STARD13: variants seen among roughly 807,000 people sequenced by gnomAD.
The protein encoded by STARD13 is stAR-related lipid transfer protein 13.
A neutral mutation model predicts 106.4 loss-of-function variants in STARD13; 62 were observed. The observed-to-expected ratio is 0.58, with a 90% CI of 0.48 to 0.72. The LOEUF (loss-of-function observed/expected upper bound fraction) is 0.72. Ranked by LOEUF, STARD13 falls within the 30% of genes least tolerant of loss-of-function variation. STARD13 has a pLI of 0.00. For missense variants in STARD13, 1,387 were observed against 1,424.0 expected, an observed-to-expected ratio of 0.97 and a Z score of 0.42; for synonymous variants, 565 against 553.0, an observed-to-expected ratio of 1.02 and a Z score of -0.31.
chr13:33,180,677 G>A (rs1885145540), intron 1 of STARD13, among the ~76,000 whole-genome samples: 1 of 152,202 alleles, frequency 6.6e-6, no homozygotes, highest in Non-Finnish European at 1.5e-5. Flanking sequence ...TGAGAAACAT[G>A]CTAGGTGTAT....
rs189318166 is a variant in STARD13 at position 33,121,087 on chromosome 13, G to A, written c.2083-2824C>T. 1.8e-3 allele frequency among the ~76,000 whole-genome samples: 271 copies of A among 152,230 alleles called. 1 individual carries two copies. Among genetic ancestry groups the A allele is most frequent in the Non-Finnish European group, 2.4e-3 (166 of 68,014 alleles). On this transcript the variant is annotated intron_variant, in intron 7 of 13. Transcript: ENST00000336934. ...TGTTTTGTGAGACCATGAATTTCCTGTCATTTAAGCCATTTTGGGATGGGG... is the reference window on the plus strand; with the variant it reads ...TGTTTTGTGAGACCATGAATTTCCTATCATTTAAGCCATTTTGGGATGGGG...
At chr13:33,238,390 T>G (rs1002837396) in intron 1 of STARD13, among the ~76,000 whole-genome samples, 5 of 152,044 alleles carry the variant, frequency 3.3e-5, no homozygotes, top group African/African-American at 1.2e-4. Flanking sequence ...TGGGGTCAAA[T>G]AAGGTGAAAG....
chr13:33,403,608 A>T, the STARD13 span, among the ~76,000 whole-genome samples: 35 of 152,320 alleles, frequency 2.3e-4, no homozygotes, highest in South Asian at 7.3e-3. Flanking sequence ...TTTGTAATAA[A>T]TTTTGTCATT....
the STARD13 span, among the ~76,000 whole-genome samples, chr13:33,493,113 T>G: frequency 6.6e-6 from 1 of 152,168 alleles, no homozygotes; most frequent in South Asian, 2.1e-4. Flanking sequence ...TCCAAGCAGG[T>G]TAAATTTTCC....
At chr13:33,331,004 TC>T (rs1488237002) in intron 1 of STARD13, among the ~76,000 whole-genome samples, 1 of 152,220 alleles carries the variant, frequency 6.6e-6, no homozygotes, top group East Asian at 1.9e-4. Context: ...CTTGTGATGC[TC>T]ATGAGAGAGA....
upstream of STARD13, among the ~76,000 whole-genome samples, chr13:33,286,492 T>A (rs1185600105): frequency 6.6e-6 from 1 of 152,166 alleles, no homozygotes; most frequent in Non-Finnish European, 1.5e-5. Flanking sequence ...ACTGAATCAT[T>A]TAAGACAAGA....
intron 1 of STARD13, among the ~76,000 whole-genome samples, chr13:33,186,262 G>A (rs754720436): frequency 6.6e-6 from 1 of 152,150 alleles, no homozygotes; most frequent in Non-Finnish European, 1.5e-5. Flanking sequence ...GGAATAGAAA[G>A]AACCACACAC....
chr13:33,179,968 C>T (rs750744381), intron 1 of STARD13, among the ~76,000 whole-genome samples: 1 of 152,230 alleles, frequency 6.6e-6, no homozygotes, highest in South Asian at 2.1e-4. Context: ...ATGCTCCTCC[C>T]TCTGTGCCTG....
chr13:33,397,670 A>G, the STARD13 span, among the ~76,000 whole-genome samples: 1 of 152,194 alleles, frequency 6.6e-6, no homozygotes, highest in Non-Finnish European at 1.5e-5. Flanking sequence ...GGGACAAATA[A>G]TGGGTTTTGA....
intron 1 of STARD13, among the ~76,000 whole-genome samples, chr13:33,175,564 G>C (rs1262003156): frequency 6.6e-6 from 1 of 152,166 alleles, no homozygotes; most frequent in East Asian, 1.9e-4. Flanking sequence ...CAAGAGTCCA[G>C]GTTGCTGTCT....
the STARD13 span, among the ~76,000 whole-genome samples, chr13:33,463,462 G>C: frequency 3.0e-4 from 45 of 152,194 alleles, no homozygotes; most frequent in African/African-American, 1.1e-3. Context: ...CTGACATTGC[G>C]CACTGGTGGA....
the STARD13 span, among the ~76,000 whole-genome samples, chr13:33,506,286 AC>A: frequency 6.6e-6 from 1 of 152,158 alleles, no homozygotes; most frequent in Non-Finnish European, 1.5e-5. Flanking sequence ...TGAATCAGGT[AC>A]TTTTTTTGTG....
intron 8 of STARD13, among the ~76,000 whole-genome samples, chr13:33,116,090 G>C (rs1054662466): frequency 3.9e-5 from 6 of 152,156 alleles, no homozygotes; most frequent in Non-Finnish European, 7.3e-5. Flanking sequence ...AATGAATCAA[G>C]CATACACTCC....
chr13:33,215,556 A>T (rs1887992483), intron 1 of STARD13, among the ~76,000 whole-genome samples: 1 of 152,230 alleles, frequency 6.6e-6, no homozygotes, highest in South Asian at 2.1e-4. Flanking sequence ...AATAATGCTC[A>T]TGATATTCAA....
chr13:33,590,558 A>T, the STARD13 span, among the ~76,000 whole-genome samples: 128 of 152,026 alleles, frequency 8.4e-4, no homozygotes, highest in Middle Eastern at 3.4e-3. Flanking sequence ...AGGGACATGG[A>T]TGAAGCTGGA....
chr13:33,187,152 TC>T (rs1885840611), intron 1 of STARD13, among the ~76,000 whole-genome samples: 1 of 152,166 alleles, frequency 6.6e-6, no homozygotes, highest in African/African-American at 2.4e-5. Context: ...TGGCTTAACT[TC>T]CGTTTCTGTT....
the STARD13 span, among the ~76,000 whole-genome samples, chr13:33,405,607 G>A: frequency 1.3e-5 from 2 of 152,252 alleles, no homozygotes; most frequent in Admixed American, 6.5e-5. Flanking sequence ...CTAACTCAAT[G>A]GATTTAGAAA....
chr13:33,297,303 T>A (rs1892532641), intron 1 of STARD13, among the ~76,000 whole-genome samples: 1 of 152,208 alleles, frequency 6.6e-6, no homozygotes, highest in South Asian at 2.1e-4. Flanking sequence ...GACTCAACAC[T>A]AATCAATCAC....
the STARD13 span, among the ~76,000 whole-genome samples, chr13:33,664,367 C>T: frequency 1.3e-5 from 2 of 152,178 alleles, no homozygotes; most frequent in South Asian, 2.1e-4. Flanking sequence ...CAGAATACAT[C>T]GGCAGCAGGG....
Sources: gnomAD v4.1 joint callset for allele counts (sites outside exome capture counted in the v4.1 genomes callset) on GRCh38, gnomAD v4.1.1 for gene constraint, MANE v1.5 for transcripts, NCBI Gene and HGNC (gene_info 2026-07-23, HGNC 2026-07-21) for gene names.